The following GABRA2 variants were observed in gnomAD, a reference collection of about 807,000 sequenced individuals.
The protein encoded by GABRA2 is gamma-aminobutyric acid type A receptor subunit alpha2.
Under a neutral mutation model 48.7 loss-of-function variants are expected in GABRA2, and 16 were observed. The observed-to-expected ratio is 0.33, with a 90% CI of 0.22 to 0.50. GABRA2 has a LOEUF of 0.50. Among genes scored for constraint, GABRA2 ranks in the 20% least tolerant of loss-of-function variants. The probability of loss-of-function intolerance (pLI) is 0.98; values close to 1 mark genes in which losing one functional copy is unlikely to be tolerated. For missense variants in GABRA2, 275 were observed against 535.6 expected, an observed-to-expected ratio of 0.51 and a Z score of 4.80; for synonymous variants, 185 against 184.5, an observed-to-expected ratio of 1.00 and a Z score of -0.02.
intron 9 of GABRA2, among the ~76,000 whole-genome samples, chr4:46,256,937 T>C (rs914781497): frequency 4.6e-5 from 7 of 151,726 alleles, no homozygotes; most frequent in African/African-American, 1.7e-4. Flanking sequence ...TCTAGTGTTT[T>C]CTATAATTTC....
chr4:46,318,502 GC>G (rs1278751856), intron 4 of GABRA2, among the ~76,000 whole-genome samples: 1 of 151,532 alleles, frequency 6.6e-6, no homozygotes, highest in African/African-American at 2.4e-5. Flanking sequence ...TCCCTTAAAT[GC>G]TTGTAAAATG....
intron 6 of GABRA2, among the ~76,000 whole-genome samples, chr4:46,308,687 G>T (rs181580055): frequency 3.9e-5 from 6 of 152,172 alleles, no homozygotes; most frequent in African/African-American, 1.4e-4. Flanking sequence ...GTTGCTCATA[G>T]CTCCTTCTGG....
intron 3 of GABRA2, among the ~76,000 whole-genome samples, chr4:46,384,343 A>G (rs1449133425): frequency 6.6e-6 from 1 of 152,242 alleles, no homozygotes; most frequent in Non-Finnish European, 1.5e-5. Flanking sequence ...AAGGAAGAGA[A>G]TAACTCAAGA....
At chr4:46,283,801 C>A (rs764425675) in intron 8 of GABRA2, among the ~76,000 whole-genome samples, 1 of 152,154 alleles carries the variant, frequency 6.6e-6, no homozygotes, top group East Asian at 1.9e-4. Flanking sequence ...ACTCTGTCAC[C>A]CAGGCCGGAG....
At position 46,305,608 on chromosome 4, in the gene GABRA2, C is replaced by A; in HGVS notation, c.663G>T (p.Leu221=). 1 of 1,613,934 alleles carries A rather than the reference C, an allele frequency of 6.2e-7. No homozygotes were observed. Among genetic ancestry groups the A allele is most frequent in the Non-Finnish European group, 8.5e-7 (1 of 1,179,908 alleles). Residue 221 remains leucine, a synonymous_variant, in exon 7 of 10, where the codon CTG becomes CTT. Transcript: ENST00000381620. ...TTGTCTCCTTTCCGATTGATTGGCC[C>A]AGCAGGTCATATTGATTTAACCTAG... ...DGSRLNQYDL[L]GQSIGKETIK...
At chr4:46,370,914 A>G (rs1714792047) in intron 3 of GABRA2, among the ~76,000 whole-genome samples, 1 of 152,016 alleles carries the variant, frequency 6.6e-6, no homozygotes, top group Non-Finnish European at 1.5e-5. Context: ...CACACAACAC[A>G]CACACACAAA....
chr4:46,339,317 G>A (rs1213581733), intron 3 of GABRA2, among the ~76,000 whole-genome samples: 4 of 151,728 alleles, frequency 2.6e-5, no homozygotes, highest in African/African-American at 9.7e-5. Context: ...TAGAAGAGCC[G>A]AACATTTCCA....
rs769600190 is a variant in GABRA2 at position 46,312,600 on chromosome 4, T to C, written c.372A>G (p.Pro124=). 6.3e-7 allele frequency: 1 copy of C among 1,590,814 alleles called. No homozygotes were observed. Among genetic ancestry groups the C allele is most frequent in the East Asian group, 2.3e-5 (1 of 44,138 alleles). The change falls in exon 5 of 10, where the codon CCA becomes CCG. Residue 124 remains proline, a synonymous_variant. Coordinates refer to ENST00000381620, the MANE Select transcript of GABRA2 (RefSeq NM_000807.4). The part of the protein sequence containing the change: ...NNLMASKIWT[P]DTFFHNGKKS... The stretch of plus-strand genomic sequence containing the variant: ...TTTTCCCATTGTGAAAAAAGGTATC[T>C]GGAGTCCAGATTTTGCTAGCCATTA...
chr4:46,294,645 G>A (rs1001518782), intron 8 of GABRA2, among the ~76,000 whole-genome samples: 2 of 152,206 alleles, frequency 1.3e-5, no homozygotes, highest in Admixed American at 1.3e-4. Context: ...GGCAGATACG[G>A]ATGCTGTTTG....
At chr4:46,288,673 G>C (rs1322489498) in intron 8 of GABRA2, among the ~76,000 whole-genome samples, 1 of 152,134 alleles carries the variant, frequency 6.6e-6, no homozygotes, top group Non-Finnish European at 1.5e-5. Context: ...TCATGATGAA[G>C]ATGATAAAAG....
intron 3 of GABRA2, chr4:46,364,494 T>G (rs1308854493): frequency 6.6e-6 from 1 of 152,236 alleles, no homozygotes; most frequent in Non-Finnish European, 1.5e-5. Context: ...GATTCTCACA[T>G]GGCTGAAATC....
chr4:46,253,328 C>G (rs1577757943), intron 9 of GABRA2, among the ~76,000 whole-genome samples: 1 of 151,332 alleles, frequency 6.6e-6, no homozygotes, highest in African/African-American at 2.4e-5. Context: ...AGGGACTAAC[C>G]AATCTGAACA....
chr4:46,325,906 G>A (rs2109776657), intron 4 of GABRA2, among the ~76,000 whole-genome samples: 1 of 151,862 alleles, frequency 6.6e-6, no homozygotes, highest in Middle Eastern at 3.4e-3. Context: ...TTTATTTCTG[G>A]GTTCTCTAGC....
intron 4 of GABRA2, among the ~76,000 whole-genome samples, chr4:46,321,350 A>G (rs1729418363): frequency 6.6e-6 from 1 of 151,940 alleles, no homozygotes; most frequent in African/African-American, 2.4e-5. Context: ...TGTATACTGG[A>G]AATGTAAGTG....
chr4:46,315,139 G>GT (rs35565335), intron 4 of GABRA2, among the ~76,000 whole-genome samples: 10,873 of 140,610 alleles, frequency 0.077, 867 homozygotes, highest in African/African-American at 0.2. Flanking sequence ...GTCTGCATCT[G>GT]TTTTTTTTTT....
At chr4:46,359,022 TG>T (rs34424267) in intron 3 of GABRA2, among the ~76,000 whole-genome samples, 2 of 152,192 alleles carry the variant, frequency 1.3e-5, no homozygotes, top group Admixed American at 1.3e-4. Context: ...TACCAAATAT[TG>T]GGATCTGTAA....
chr4:46,368,885 A>G (rs1414991537), intron 3 of GABRA2: 3 of 552,370 alleles, frequency 5.4e-6, no homozygotes, highest in Non-Finnish European at 1.0e-5. Context: ...CAGTTCTTCA[A>G]TCTCCATTAT....
At chr4:46,334,754 A>G (rs2109823355) in intron 3 of GABRA2, among the ~76,000 whole-genome samples, 1 of 152,312 alleles carries the variant, frequency 6.6e-6, no homozygotes, top group East Asian at 1.9e-4. Context: ...CTCAGAACAT[A>G]GACATAAAAA....
intron 3 of GABRA2, chr4:46,366,766 C>T (rs1324434540): frequency 6.6e-6 from 1 of 152,038 alleles, no homozygotes; most frequent in Non-Finnish European, 1.5e-5. Flanking sequence ...CATTAACAGC[C>T]TCTGCAAGAC....
Sources: allele counts gnomAD v4.1 joint callset (sites outside exome capture counted in the v4.1 genomes callset), GRCh38; gene constraint gnomAD v4.1.1; transcripts MANE v1.5; gene names NCBI Gene and HGNC (gene_info 2026-07-23, HGNC 2026-07-21).